The following SLC2A9 variants were observed in gnomAD, a reference collection of about 807,000 sequenced individuals.
SLC2A9 encodes the protein solute carrier family 2, facilitated glucose transporter member 9.
A neutral mutation model predicts 50.6 loss-of-function variants in SLC2A9; 39 were observed. The ratio of observed to expected loss-of-function variants is 0.77; its 90% CI spans 0.60 to 1.01. The LOEUF is 1.01. Ranked by LOEUF, SLC2A9 falls within the 50% of genes least tolerant of loss-of-function variation. SLC2A9 has a pLI of 0.00. For synonymous variants in SLC2A9, 324 were observed against 276.9 expected, an observed-to-expected ratio of 1.17 and a Z score of -1.69; for missense variants, 686 against 677.6, an observed-to-expected ratio of 1.01 and a Z score of -0.14.
At chr4:10,018,570 A>AGATAGATAGATAGAT (rs1763033486) in intron 2 of SLC2A9, among the ~76,000 whole-genome samples, 1 of 151,048 alleles carries the variant, frequency 6.6e-6, no homozygotes, top group Non-Finnish European at 1.5e-5. Flanking sequence ...ATAGATAGAT[A>AGATAGATAGATAGAT]GATAGATAGA....
At chr4:9,915,370 T>C (rs761309451) in intron 7 of SLC2A9, among the ~76,000 whole-genome samples, 4 of 152,338 alleles carry the variant, frequency 2.6e-5, no homozygotes, top group Admixed American at 2.0e-4. Flanking sequence ...CCTGAGTATC[T>C]GGGATTACAG....
At chr4:9,825,714 AC>A (rs1725032415), downstream of SLC2A9, among the ~76,000 whole-genome samples, 1 of 152,156 alleles carries the variant, frequency 6.6e-6, no homozygotes, top group Non-Finnish European at 1.5e-5. Context: ...TGGGGTGAGG[AC>A]AGCGTCAGCC....
chr4:10,021,278 AC>A lies in SLC2A9; in HGVS notation c.150+1del. ...CCATGCAGAAAAGCTGTCCGTAGTT[AC>A]CTTTCTTCTCCTTCCACCTGGCACC... On this transcript the variant is annotated splice_donor_variant, in intron 1 of 11. Coordinates refer to ENST00000264784, the MANE Select transcript of SLC2A9 (RefSeq NM_020041.3). LOFTEE classifies it high-confidence loss of function. The A allele has an allele frequency of 6.2e-7, 1 of 1,613,206 alleles. No individual in the cohort carries two copies. Among genetic ancestry groups the A allele is most frequent in the Non-Finnish European group, 8.5e-7 (1 of 1,179,980 alleles).
chr4:9,808,220 G>C (rs969926691), intron 3 of SLC2A9, among the ~76,000 whole-genome samples: 1 of 152,204 alleles, frequency 6.6e-6, no homozygotes, highest in African/African-American at 2.4e-5. Context: ...CACTGGCCAG[G>C]CCTCTTCTCA....
intron 2 of SLC2A9, among the ~76,000 whole-genome samples, chr4:10,016,755 C>A (rs989674144): frequency 6.6e-6 from 1 of 152,060 alleles, no homozygotes; most frequent in Non-Finnish European, 1.5e-5. Flanking sequence ...CTCAGGACCT[C>A]CTGAGGGTGT....
intron 2 of SLC2A9, among the ~76,000 whole-genome samples, chr4:10,008,074 C>A (rs1368950798): frequency 6.6e-6 from 1 of 152,222 alleles, no homozygotes; most frequent in African/African-American, 2.4e-5. Context: ...CCCTACCTCC[C>A]ATCTTGCTGG....
At chr4:9,850,421 A>T (rs1385944818) in intron 10 of SLC2A9, among the ~76,000 whole-genome samples, 2 of 152,160 alleles carry the variant, frequency 1.3e-5, no homozygotes, top group Non-Finnish European at 2.9e-5. Flanking sequence ...TGTGACTGTC[A>T]GACCTGGACA....
At chr4:9,790,605 G>A (rs995318940) in intron 3 of SLC2A9, among the ~76,000 whole-genome samples, 16 of 152,202 alleles carry the variant, frequency 1.1e-4, no homozygotes, top group Admixed American at 9.8e-4. Context: ...AGTTTGGGAG[G>A]TGGGGGATGT....
intron 5 of SLC2A9, among the ~76,000 whole-genome samples, chr4:9,952,227 T>A (rs926664813): frequency 6.6e-6 from 1 of 152,230 alleles, no homozygotes; most frequent in African/African-American, 2.4e-5. Flanking sequence ...CCCTGCCAAA[T>A]ATCATGTTGA....
At chr4:9,843,378 T>C (rs1469188886) in intron 10 of SLC2A9, among the ~76,000 whole-genome samples, 4 of 151,746 alleles carry the variant, frequency 2.6e-5, no homozygotes, top group African/African-American at 7.3e-5. Flanking sequence ...GTTTCAGGAG[T>C]TGGGGTATAA....
At position 9,789,658 on chromosome 4, in the gene SLC2A9, G is replaced by A. The variant is rs146190843; in HGVS notation, n.386-9593C>T. Among the ~76,000 whole-genome samples, 776 of 152,376 alleles carry A rather than the reference G, an allele frequency of 5.1e-3. 12 individuals are homozygous for A. Among genetic ancestry groups the A allele is most frequent in the Middle Eastern group, 0.02 (6 of 294 alleles). The stretch of plus-strand genomic sequence containing the variant: ...ACCCCTGGGCCTCTAGGCCAATTCG[G>A]GGGAAGGGCTTAAAGGGAATATGAG... On this transcript the variant is annotated intron_variant and non_coding_transcript_variant, in intron 3 of 3. Coordinates refer to the SLC2A9 transcript ENST00000503803.
intron 10 of SLC2A9, among the ~76,000 whole-genome samples, chr4:9,842,879 T>G (rs1367028612): frequency 2.0e-5 from 3 of 152,128 alleles, no homozygotes; most frequent in African/African-American, 7.2e-5. Context: ...GCAGTTTATG[T>G]GCCAGTTGAT....
At chr4:10,020,760 G>T (rs1763407771) in intron 1 of SLC2A9, among the ~76,000 whole-genome samples, 2 of 152,162 alleles carry the variant, frequency 1.3e-5, no homozygotes, top group South Asian at 4.1e-4. Context: ...CTCCTCCCTG[G>T]TCTGCACCCC....
At chr4:9,891,248 G>T (rs192044896) in intron 8 of SLC2A9, among the ~76,000 whole-genome samples, 2 of 152,134 alleles carry the variant, frequency 1.3e-5, no homozygotes, top group Non-Finnish European at 2.9e-5. Context: ...CTGTGTCCTC[G>T]AAGCCAGCTT....
downstream of SLC2A9, among the ~76,000 whole-genome samples, chr4:9,775,942 G>A (rs1434375620): frequency 6.6e-6 from 1 of 152,202 alleles, no homozygotes; most frequent in Admixed American, 6.5e-5. Flanking sequence ...TACTGCAGCA[G>A]CCGGGGGAAG....
chr4:9,996,955 A>G lies in SLC2A9; in HGVS notation c.250-14T>C, dbSNP rs1758790283. On this transcript the variant is annotated splice_polypyrimidine_tract_variant and intron_variant, in intron 2 of 11. Transcript: ENST00000264784. ...GGCCTTGATGTACTGAAAATAAACA[A>G]CAAACCATGTTATTTCCTTCTGTTC... 1 of 1,613,516 alleles carries G rather than the reference A, an allele frequency of 6.2e-7. No homozygotes were observed. Among genetic ancestry groups the G allele is most frequent in the East Asian group, 2.2e-5 (1 of 44,846 alleles).
chr4:9,886,828 G>A (rs1206418395), intron 10 of SLC2A9, among the ~76,000 whole-genome samples: 6 of 152,176 alleles, frequency 3.9e-5, no homozygotes, highest in African/African-American at 1.4e-4. Flanking sequence ...TGCTGGACGT[G>A]GACACAGGGC....
chr4:9,818,427 G>C (rs1412530845), intron 3 of SLC2A9, among the ~76,000 whole-genome samples: 4 of 152,236 alleles, frequency 2.6e-5, no homozygotes, highest in Non-Finnish European at 2.9e-5. Context: ...TGCAGTAGCT[G>C]TCAAGACTAT....
intron 5 of SLC2A9, among the ~76,000 whole-genome samples, chr4:9,963,231 G>A (rs140809672): frequency 4.6e-5 from 7 of 152,332 alleles, no homozygotes; most frequent in African/African-American, 1.7e-4. Flanking sequence ...CATGAGAACA[G>A]TATAGGGGAA....
Sources: allele counts gnomAD v4.1 joint callset (sites outside exome capture counted in the v4.1 genomes callset), GRCh38; gene constraint gnomAD v4.1.1; transcripts MANE v1.5; gene names NCBI Gene and HGNC (gene_info 2026-07-23, HGNC 2026-07-21).